The following CSMD1 variants were observed in gnomAD, a reference collection of about 807,000 sequenced individuals.
The protein encoded by CSMD1 is CUB and Sushi multiple domains 1.
A neutral mutation model predicts 417.5 loss-of-function variants in CSMD1; 213 were observed. The observed-to-expected ratio is 0.51, with a 90% CI of 0.46 to 0.57. CSMD1 has a LOEUF of 0.57. Among genes scored for constraint, CSMD1 ranks in the 20% least tolerant of loss-of-function variants. CSMD1 has a pLI of 0.00. For missense variants in CSMD1, 6,923 were observed against 4,529.7 expected (o/e 1.53, Z -15.17); for synonymous variants, 2,862 against 1,736.8 (o/e 1.65, Z -16.11).
At chr8:3,303,839 T>G (rs997768579) in intron 25 of CSMD1, among the ~76,000 whole-genome samples, 1 of 152,156 alleles carries the variant, frequency 6.6e-6, no homozygotes, top group Admixed American at 6.5e-5. Context: ...TGATTAGACT[T>G]TTAATTAAAT....
At position 2,942,471 on chromosome 8, in the gene CSMD1, C is replaced by T; in HGVS notation, c.10535+1G>A. On this transcript the variant is annotated splice_donor_variant, in intron 69 of 69. Transcript: ENST00000635120. LOFTEE classifies it high-confidence loss of function. ...TCAAACAGATGGTGTTTCTGCAGTA[C>T]CTGTGTTTGTAGAGGTAAAATGCAA... 6.2e-7 allele frequency: 1 copy of T among 1,611,594 alleles called. No individual in the cohort carries two copies.
intron 6 of CSMD1, among the ~76,000 whole-genome samples, chr8:3,751,250 G>C (rs577135878): frequency 4.6e-5 from 7 of 151,006 alleles, no homozygotes; most frequent in Non-Finnish European, 7.4e-5. Context: ...GACCGTTTTA[G>C]AATTAAATGC....
At chr8:4,962,243 C>A (rs559180290) in intron 1 of CSMD1, among the ~76,000 whole-genome samples, 1 of 151,612 alleles carries the variant, frequency 6.6e-6, no homozygotes, top group Non-Finnish European at 1.5e-5. Flanking sequence ...CAGAGACTCA[C>A]TCTGTCACCC....
chr8:4,128,742 C>G (rs967288338), intron 3 of CSMD1, among the ~76,000 whole-genome samples: 1 of 152,080 alleles, frequency 6.6e-6, no homozygotes, highest in Non-Finnish European at 1.5e-5. Context: ...TACTTTCATC[C>G]CACACACCAC....
intron 10 of CSMD1, among the ~76,000 whole-genome samples, chr8:3,520,013 T>TGTATAC (rs1423865074): frequency 5.0e-5 from 7 of 138,738 alleles, no homozygotes; most frequent in Admixed American, 3.0e-4. Context: ...TGTGTGTGTG[T>TGTATAC]ATATACCTAT....
intron 1 of CSMD1, among the ~76,000 whole-genome samples, chr8:4,848,947 A>G (rs62484646): frequency 0.04 from 6,081 of 152,316 alleles, 169 homozygotes; most frequent in Middle Eastern, 0.092. Context: ...TTCTACTTAT[A>G]AAAGTATTAA....
At chr8:4,834,814 G>C (rs377321427) in intron 1 of CSMD1, among the ~76,000 whole-genome samples, 1 of 151,334 alleles carries the variant, frequency 6.6e-6, no homozygotes, top group African/African-American at 2.4e-5. Flanking sequence ...AAAATTAGCC[G>C]GGCGTGGTGG....
Position 3,348,016 on chromosome 8 carries a change from C to T in CSMD1, c.3450G>A (p.Gln1150=). The T allele has an allele frequency of 6.2e-7, 1 of 1,604,450 alleles. No individual in the cohort carries two copies. Among genetic ancestry groups the T allele is most frequent in the South Asian group, 1.1e-5 (1 of 89,272 alleles). The change falls in exon 22 of 70, where the codon CAG becomes CAA. Residue 1150 remains glutamine, a synonymous_variant. Transcript: ENST00000635120. ...CCTTTAGAGTATCTCCTTCAAACAG[C>T]TGGAAGCTTCGTGTTCTAAGGTGGA... ...KGIHLRTRSF[Q]LFEGDTLKVY...
chr8:2,954,736 C>G (rs1219413732), intron 64 of CSMD1, among the ~76,000 whole-genome samples: 1 of 152,190 alleles, frequency 6.6e-6, no homozygotes, highest in Non-Finnish European at 1.5e-5. Flanking sequence ...TTTGGTCTAT[C>G]AAGTTAGATT....
intron 15 of CSMD1, among the ~76,000 whole-genome samples, chr8:3,404,953 A>C (rs1460965572): frequency 6.6e-6 from 1 of 152,208 alleles, no homozygotes; most frequent in South Asian, 2.1e-4. Context: ...TCTTGAAAAA[A>C]ACCTGTATAG....
At chr8:4,426,519 CTG>C (rs557392161) in intron 2 of CSMD1, among the ~76,000 whole-genome samples, 10 of 146,476 alleles carry the variant, frequency 6.8e-5, no homozygotes, top group South Asian at 4.3e-4. Flanking sequence ...TTTATAAAGA[CTG>C]TAGTATTTTA....
At chr8:4,282,607 G>C (rs1029575607) in intron 3 of CSMD1, among the ~76,000 whole-genome samples, 1 of 152,138 alleles carries the variant, frequency 6.6e-6, no homozygotes, top group Non-Finnish European at 1.5e-5. Flanking sequence ...TACAGTCAGG[G>C]AGAAAGGTAG....
intron 5 of CSMD1, among the ~76,000 whole-genome samples, chr8:3,971,584 T>G (rs959096691): frequency 2.0e-5 from 3 of 152,190 alleles, no homozygotes; most frequent in Non-Finnish European, 4.4e-5. Flanking sequence ...CATAATTTTG[T>G]AGAATATGTT....
intron 1 of CSMD1, among the ~76,000 whole-genome samples, chr8:4,680,438 C>T (rs369193123): frequency 2.9e-4 from 44 of 152,078 alleles, no homozygotes; most frequent in Admixed American, 6.5e-4. Flanking sequence ...CATTGAGTGA[C>T]GTACCATGTT....
intron 10 of CSMD1, among the ~76,000 whole-genome samples, chr8:3,508,727 TA>T (rs1197297003): frequency 6.6e-6 from 1 of 152,108 alleles, no homozygotes; most frequent in East Asian, 1.9e-4. Context: ...TTTTAAAATT[TA>T]AAACAAATAA....
At chr8:4,035,964 T>C (rs1010328989) in intron 3 of CSMD1, among the ~76,000 whole-genome samples, 8 of 152,202 alleles carry the variant, frequency 5.3e-5, no homozygotes, top group African/African-American at 1.9e-4. Context: ...AAGTGTCCTA[T>C]GAGAGTGTAA....
intron 3 of CSMD1, among the ~76,000 whole-genome samples, chr8:4,409,523 T>G (rs1285086150): frequency 6.6e-6 from 1 of 152,148 alleles, no homozygotes; most frequent in Non-Finnish European, 1.5e-5. Flanking sequence ...AACCAAAATA[T>G]GTAACTAGGC....
At chr8:3,946,992 G>A (rs62481639) in intron 5 of CSMD1, among the ~76,000 whole-genome samples, 55,164 of 151,914 alleles carry the variant, frequency 0.36, 10,418 homozygotes, top group South Asian at 0.47. Context: ...AAATAAATAC[G>A]TTGGATCTCA....
rs144744084 is a variant in CSMD1, at chr8:3,501,017, A to G, written c.1345-7291T>C. On this transcript the variant is annotated intron_variant, in intron 10 of 69. Coordinates refer to ENST00000635120, the MANE Select transcript of CSMD1 (RefSeq NM_033225.6). ...TATTGTTGCTACTTTGATTCAAATA[A>G]TATGTATTTTCCTTGACAAAATATT... Among the ~76,000 whole-genome samples, 190 of 152,318 alleles carry G rather than the reference A, an allele frequency of 1.2e-3. 1 individual carries two copies. Among genetic ancestry groups the G allele is most frequent in the African/African-American group, 4.2e-3 (174 of 41,572 alleles).
Sources: allele counts gnomAD v4.1 joint callset (sites outside exome capture counted in the v4.1 genomes callset), GRCh38; gene constraint gnomAD v4.1.1; transcripts MANE v1.5; gene names NCBI Gene and HGNC (gene_info 2026-07-23, HGNC 2026-07-21).